Variants in SLC4A4 observed in about 807,000 individuals in gnomAD.
SLC4A4 encodes solute carrier family 4 member 4.
A neutral mutation model predicts 111.5 loss-of-function variants in SLC4A4; 27 were observed. The ratio of observed to expected loss-of-function variants is 0.24; its 90% confidence interval spans 0.18 to 0.33. The LOEUF is 0.33. Ranked by LOEUF, SLC4A4 falls within the 10% of genes least tolerant of loss-of-function variation. SLC4A4 has a pLI of 1.00. For synonymous variants in SLC4A4, 443 were observed against 463.4 expected (o/e 0.96, Z 0.57); for missense variants, 909 against 1,315.5 (o/e 0.69, Z 4.78).
chr4:71,384,026 A>T (rs1224401875), intron 6 of SLC4A4, among the ~76,000 whole-genome samples: 2 of 152,200 alleles, frequency 1.3e-5, no homozygotes, highest in Admixed American at 1.3e-4. Context: ...GTAATTTAGG[A>T]GTAGCACAGT....
At chr4:71,426,024 C>G (rs754495534) in intron 7 of SLC4A4, among the ~76,000 whole-genome samples, 1 of 152,132 alleles carries the variant, frequency 6.6e-6, no homozygotes, top group Non-Finnish European at 1.5e-5. Flanking sequence ...CAAAATATAT[C>G]AAAGGAATAT....
chr4:71,444,207 T>C (rs1244396883), intron 8 of SLC4A4, among the ~76,000 whole-genome samples: 1 of 152,250 alleles, frequency 6.6e-6, no homozygotes, highest in Admixed American at 6.5e-5. Context: ...TATTATGCTC[T>C]GTTTCTGCTT....
intron 2 of SLC4A4, among the ~76,000 whole-genome samples, chr4:71,137,708 C>T (rs1467405926): frequency 6.6e-6 from 1 of 152,190 alleles, no homozygotes; most frequent in African/African-American, 2.4e-5. Context: ...GCTCCAAGGG[C>T]AGCTCTAATC....
At chr4:71,502,963 T>A (rs1731080094) in intron 16 of SLC4A4, among the ~76,000 whole-genome samples, 1 of 152,146 alleles carries the variant, frequency 6.6e-6, no homozygotes, top group Non-Finnish European at 1.5e-5. Context: ...CTTCTGTTTC[T>A]CCCTTTAGAT....
intron 3 of SLC4A4, among the ~76,000 whole-genome samples, chr4:71,305,790 C>A (rs1454573337): frequency 6.6e-6 from 1 of 152,118 alleles, no homozygotes; most frequent in African/African-American, 2.4e-5. Flanking sequence ...CGTCTATTCC[C>A]GCATGGGCCA....
chr4:71,307,721 C>T (rs924853819), intron 3 of SLC4A4, among the ~76,000 whole-genome samples: 5 of 152,186 alleles, frequency 3.3e-5, no homozygotes, highest in African/African-American at 1.2e-4. Context: ...CATTCATGAG[C>T]AGAGCTGCAA....
At chr4:71,118,240 T>G (rs753515252) in intron 2 of SLC4A4, among the ~76,000 whole-genome samples, 1 of 152,204 alleles carries the variant, frequency 6.6e-6, no homozygotes, top group African/African-American at 2.4e-5. Flanking sequence ...CATTTGGATA[T>G]CATATACTCT....
intron 1 of SLC4A4, among the ~76,000 whole-genome samples, chr4:71,213,159 A>C (rs527906875): frequency 2.2e-4 from 33 of 152,314 alleles, no homozygotes; most frequent in African/African-American, 7.5e-4. Flanking sequence ...ATTTCTTGGA[A>C]TGTTTCCTGT....
chr4:71,131,540 C>T (rs1194335987), intron 2 of SLC4A4, among the ~76,000 whole-genome samples: 1 of 152,172 alleles, frequency 6.6e-6, no homozygotes, highest in Non-Finnish European at 1.5e-5. Context: ...GAATAAGCAG[C>T]ATTGTGCCTG....
chr4:71,204,458 C>G (rs554818353), intron 1 of SLC4A4, among the ~76,000 whole-genome samples: 1 of 152,138 alleles, frequency 6.6e-6, no homozygotes, highest in South Asian at 2.1e-4. Flanking sequence ...GGAAAAGTTA[C>G]CAAGGATGTT....
At chr4:71,227,437 C>G (rs2579312) in intron 1 of SLC4A4, among the ~76,000 whole-genome samples, 2,068 of 152,208 alleles carry the variant, frequency 0.014, 56 homozygotes, top group African/African-American at 0.047. Context: ...ATCCAGGGAG[C>G]CCAGAGAGAA....
At chr4:71,297,669 C>G (rs922666692) in intron 3 of SLC4A4, among the ~76,000 whole-genome samples, 1 of 149,272 alleles carries the variant, frequency 6.7e-6, no homozygotes, top group African/African-American at 2.5e-5. Context: ...CTCATTGCAA[C>G]CTCCGCCTCC....
Position 71,405,973 on chromosome 4 carries a change from G to A in SLC4A4, c.807+8320G>A, listed in dbSNP as rs367982304. Among the ~76,000 whole-genome samples, 79 of 118,120 alleles carry A rather than the reference G, an allele frequency of 6.7e-4. 1 individual carries two copies. Among genetic ancestry groups the A allele is most frequent in the African/African-American group, 2.3e-3 (74 of 32,000 alleles). The allele number at this position is 118,120 out of a possible 152,430, so 77.5% of individuals were successfully genotyped here. Reference sequence around the variant, plus strand: ...TATACTTGCTTTGACTGAAGATGTTGCTGTTCCCAGCTCTGAGAGGGCTTT... The same window carrying A: ...TATACTTGCTTTGACTGAAGATGTTACTGTTCCCAGCTCTGAGAGGGCTTT... On this transcript the variant is annotated intron_variant, in intron 7 of 25. Transcript: ENST00000264485.
At chr4:71,386,679 A>G (rs1718751727) in intron 6 of SLC4A4, among the ~76,000 whole-genome samples, 1 of 152,116 alleles carries the variant, frequency 6.6e-6, no homozygotes, top group East Asian at 1.9e-4. Context: ...TCTATTTTTC[A>G]TAGCAGTCTC....
chr4:71,415,111 C>T (rs1056313517), intron 7 of SLC4A4, among the ~76,000 whole-genome samples: 1 of 152,226 alleles, frequency 6.6e-6, no homozygotes, highest in African/African-American at 2.4e-5. Context: ...GCTGTCTCTT[C>T]AACCTTCTCA....
At chr4:71,164,738 A>G (rs1219849529) in intron 2 of SLC4A4, among the ~76,000 whole-genome samples, 1 of 152,206 alleles carries the variant, frequency 6.6e-6, no homozygotes, top group Non-Finnish European at 1.5e-5. Flanking sequence ...CTGCACAGCA[A>G]AAGAAACTAT....
At chr4:71,228,806 C>T (rs890278788) in intron 1 of SLC4A4, among the ~76,000 whole-genome samples, 3 of 152,210 alleles carry the variant, frequency 2.0e-5, no homozygotes, top group Admixed American at 6.5e-5. Context: ...AAAAGCTCCA[C>T]TTTGCCAGAT....
intron 2 of SLC4A4, among the ~76,000 whole-genome samples, chr4:71,139,035 C>CAAAAAAAA (rs5859250): frequency 7.0e-5 from 3 of 42,834 alleles, no homozygotes; most frequent in African/African-American, 9.8e-5. Context: ...GACTCCGTCT[C>CAAAAAAAA]AAAAAAAAAA....
chr4:71,528,634 T>TA (rs1405078018), intron 16 of SLC4A4, among the ~76,000 whole-genome samples: 2 of 152,064 alleles, frequency 1.3e-5, no homozygotes, highest in African/African-American at 4.8e-5. Context: ...GAAACAGTCT[T>TA]ATATATATGT....
Sources: gnomAD v4.1 joint callset for allele counts (sites outside exome capture counted in the v4.1 genomes callset) on GRCh38, gnomAD v4.1.1 for gene constraint, MANE v1.5 for transcripts, NCBI Gene and HGNC (gene_info 2026-07-23, HGNC 2026-07-21) for gene names.